RALGAPB: variants seen among roughly 807,000 people sequenced by gnomAD.
RALGAPB encodes the protein ral GTPase-activating protein subunit beta.
A neutral mutation model predicts 161.1 loss-of-function variants in RALGAPB; 25 were observed. The ratio of observed to expected loss-of-function variants is 0.16; its 90% CI spans 0.11 to 0.22. The LOEUF is 0.22. Ranked by LOEUF, RALGAPB falls within the 10% of genes least tolerant of loss-of-function variation. The pLI is 1.00. For synonymous variants in RALGAPB, 629 were observed against 626.1 expected, an observed-to-expected ratio of 1.00 and a Z score of -0.07; for missense variants, 1,391 against 1,815.2, an observed-to-expected ratio of 0.77 and a Z score of 4.25.
At chr20:38,504,545 C>T (rs576908185) in intron 5 of RALGAPB, among the ~76,000 whole-genome samples, 61 of 152,166 alleles carry the variant, frequency 4.0e-4, no homozygotes, top group Admixed American at 6.5e-4. Context: ...TGACTCAGTC[C>T]TCAAAAGTAA....
chr20:38,506,076 A>T (rs754058044), intron 5 of RALGAPB, among the ~76,000 whole-genome samples: 2 of 152,054 alleles, frequency 1.3e-5, no homozygotes, highest in African/African-American at 2.4e-5. Flanking sequence ...TACTGCATCG[A>T]ATCTGTGCAA....
At chr20:38,558,269 T>C in intron 22 of RALGAPB, 26 bp from the exon 23 acceptor site, 1 of 1,477,314 alleles carries the variant, frequency 6.8e-7, no homozygotes, top group Non-Finnish European at 9.0e-7. Context: ...TAGGTAATAA[T>C]TGCTCCTTTC....
chr20:38,570,857 A>G lies in RALGAPB; in HGVS notation c.4142+10A>G, dbSNP rs768867858. The G allele has an allele frequency of 1.2e-5, 18 of 1,564,482 alleles. No individual in the cohort carries two copies. Among genetic ancestry groups the G allele is most frequent in the African/African-American group, 2.7e-5 (2 of 73,746 alleles). On this transcript the variant is annotated intron_variant, in intron 28 of 29. Transcript: ENST00000262879. Reference sequence around the variant, plus strand: ...GTAGCACTTCACTGAGGTACACTCTATTTGCTTGAAGTTCATCAGCGTGTC... The same window carrying G: ...GTAGCACTTCACTGAGGTACACTCTGTTTGCTTGAAGTTCATCAGCGTGTC...
rs893511219 is a variant in RALGAPB, at chr20:38,497,480, A to G, written c.517A>G (p.Ile173Val). ...AGTCTTACTGTTGTTTCTTCTGCAG[A>G]TTAACGACATACTTCTGGCCCCACC... ...WEVLLLFLLQ[I>V]NDILLAPPTV... Residue 173 changes from isoleucine to valine, a missense_variant, in exon 4 of 30, where the codon ATT becomes GTT. Ile to Val is a conservative substitution (Grantham distance 29, BLOSUM62 3). Coordinates refer to ENST00000262879, the MANE Select transcript of RALGAPB (RefSeq NM_020336.4). 6 of 1,613,920 alleles carry G rather than the reference A, an allele frequency of 3.7e-6. No individual in the cohort carries two copies. The African/African-American group carries it at 4.0e-5, about 11-fold the overall frequency.
chr20:38,547,119 C>T (rs6026434), intron 19 of RALGAPB: 3 of 152,226 alleles, frequency 2.0e-5, no homozygotes, highest in Admixed American at 6.5e-5. Context: ...ACTGAAAATC[C>T]TTCAGTGATT....
At chr20:38,546,122 G>C in intron 18 of RALGAPB, 121 bp from the exon 19 acceptor site, 2 of 1,529,478 alleles carry the variant, frequency 1.3e-6, no homozygotes, top group South Asian at 2.5e-5. Flanking sequence ...AATCTGACCT[G>C]TCAAGAAGCA....
At chr20:38,546,019 A>G (rs1307512492) in intron 18 of RALGAPB, among the ~76,000 whole-genome samples, 1 of 152,200 alleles carries the variant, frequency 6.6e-6, no homozygotes, top group Non-Finnish European at 1.5e-5. Context: ...TCTCTGAAAT[A>G]AAGACATACA....
chr20:38,562,041 A>G (rs982948475), intron 23 of RALGAPB, among the ~76,000 whole-genome samples: 14 of 152,250 alleles, frequency 9.2e-5, no homozygotes, highest in African/African-American at 3.4e-4. Context: ...GGCCTAAGAA[A>G]AGGATATTTT....
intron 1 of RALGAPB, among the ~76,000 whole-genome samples, chr20:38,477,494 T>A (rs761163783): frequency 2.1e-4 from 32 of 152,192 alleles, no homozygotes; most frequent in Non-Finnish European, 3.8e-4. Context: ...TCTAATAGCA[T>A]CTGGTACATA....
chr20:38,513,179 GCAA>G (rs1372007265), intron 6 of RALGAPB, among the ~76,000 whole-genome samples: 2 of 147,124 alleles, frequency 1.4e-5, no homozygotes, highest in Non-Finnish European at 3.0e-5. Flanking sequence ...ACCAGCCTGG[GCAA>G]CATGGTGAAA....
At chr20:38,489,948 CT>C (rs920122882) in intron 2 of RALGAPB, among the ~76,000 whole-genome samples, 51 of 151,644 alleles carry the variant, frequency 3.4e-4, no homozygotes, top group African/African-American at 1.2e-3. Flanking sequence ...TGATGCAGCC[CT>C]TTTTTTTCTC....
intron 6 of RALGAPB, among the ~76,000 whole-genome samples, chr20:38,512,429 T>G (rs746392275): frequency 5.9e-5 from 9 of 152,388 alleles, no homozygotes; most frequent in Non-Finnish European, 1.3e-4. Context: ...TGTGCCTCAG[T>G]TTCTTTTTAA....
chr20:38,526,996 G>A (rs1600949827), intron 13 of RALGAPB, among the ~76,000 whole-genome samples: 1 of 152,150 alleles, frequency 6.6e-6, no homozygotes, highest in East Asian at 1.9e-4. Flanking sequence ...GGAAAGTAGG[G>A]CTTTCCTCAG....
At chr20:38,563,925 C>T (rs1230146639) in intron 24 of RALGAPB, among the ~76,000 whole-genome samples, 1 of 152,196 alleles carries the variant, frequency 6.6e-6, no homozygotes, top group Non-Finnish European at 1.5e-5. Context: ...CATTCACATA[C>T]CACAGCAGCC....
chr20:38,561,309 G>A (rs1774483554), intron 23 of RALGAPB, among the ~76,000 whole-genome samples: 1 of 152,212 alleles, frequency 6.6e-6, no homozygotes, highest in African/African-American at 2.4e-5. Flanking sequence ...GGGCGACAGA[G>A]CAAGACTCCG....
At chr20:38,496,164 C>T (rs1345505039) in intron 3 of RALGAPB, among the ~76,000 whole-genome samples, 1 of 152,058 alleles carries the variant, frequency 6.6e-6, no homozygotes, top group Non-Finnish European at 1.5e-5. Context: ...CCTGGAGGTG[C>T]TTGGCTCTTC....
At chr20:38,499,015 A>G (rs2085505210) in intron 4 of RALGAPB, among the ~76,000 whole-genome samples, 1 of 152,228 alleles carries the variant, frequency 6.6e-6, no homozygotes, top group Admixed American at 6.5e-5. Flanking sequence ...CAAAATGGGT[A>G]TAATTAGCAG....
rs182008779 is a variant in RALGAPB at position 38,474,189 on chromosome 20, T to C, written c.-31+1120T>C. On this transcript the variant is annotated intron_variant, in intron 1 of 29. Transcript: ENST00000262879. ...GTAACCTCTGGGTCGTTTTTACATATGCTGGAAGTCTGCCTAGACCATCCT... is the reference window on the plus strand; with the variant it reads ...GTAACCTCTGGGTCGTTTTTACATACGCTGGAAGTCTGCCTAGACCATCCT... Among the ~76,000 whole-genome samples the C allele has an allele frequency of 2.8e-3, 430 of 152,344 alleles. 2 individuals carry two copies. Among genetic ancestry groups the C allele is most frequent in the Middle Eastern group, 6.8e-3 (2 of 294 alleles).
intron 5 of RALGAPB, among the ~76,000 whole-genome samples, chr20:38,507,875 T>C (rs1262643440): frequency 6.6e-6 from 1 of 152,064 alleles, no homozygotes; most frequent in Non-Finnish European, 1.5e-5. Context: ...ATTGGTGATA[T>C]GAATGCTTTA....
Sources: allele counts gnomAD v4.1 joint callset (sites outside exome capture counted in the v4.1 genomes callset), GRCh38; gene constraint gnomAD v4.1.1; transcripts MANE v1.5; gene names NCBI Gene and HGNC (gene_info 2026-07-23, HGNC 2026-07-21).